Variants in ABLIM1 observed in about 807,000 individuals in gnomAD.
ABLIM1 encodes the protein actin binding LIM protein 1, also known as actin-binding LIM protein 1.
In ABLIM1, 40 loss-of-function variants were observed where a neutral mutation model predicts 107.0. The observed-to-expected ratio is 0.37, with a 90% CI of 0.29 to 0.49. The LOEUF (loss-of-function observed/expected upper bound fraction) is 0.49, where lower values mean the gene tolerates loss of function less well. Ranked by LOEUF, ABLIM1 falls within the 20% of genes least tolerant of loss-of-function variation. The probability of loss-of-function intolerance (pLI) is 0.97; values close to 1 mark genes in which losing one functional copy is unlikely to be tolerated. For missense variants in ABLIM1, 857 were observed against 1,008.5 expected, an observed-to-expected ratio of 0.85 and a Z score of 2.04; for synonymous variants, 357 against 357.3, an observed-to-expected ratio of 1.00 and a Z score of 0.01.
intron 6 of ABLIM1, among the ~76,000 whole-genome samples, chr10:114,516,954 T>A (rs1331440992): frequency 6.6e-6 from 1 of 152,204 alleles, no homozygotes; most frequent in African/African-American, 2.4e-5. Context: ...TTCTGGGACC[T>A]GCGATTAACT....
chr10:114,514,928 A>G (rs1002646228), intron 6 of ABLIM1, among the ~76,000 whole-genome samples: 1 of 152,202 alleles, frequency 6.6e-6, no homozygotes, highest in African/African-American at 2.4e-5. Flanking sequence ...AGATTAAATT[A>G]TTAGTATAGT....
At chr10:114,687,600 A>G (rs766611606), upstream of ABLIM1, among the ~76,000 whole-genome samples, 2 of 152,204 alleles carry the variant, frequency 1.3e-5, no homozygotes, top group Non-Finnish European at 2.9e-5. Context: ...ACAACAGATT[A>G]TGTTAAAAGA....
In ABLIM1 at chr10:114,629,769, C is replaced by T. The variant is rs1031560333; in HGVS notation, c.245-27808G>A. On this transcript the variant is annotated intron_variant, in intron 1 of 22. Coordinates refer to ENST00000533213, the MANE Select transcript of ABLIM1 (RefSeq NM_002313.7). This position sits in a 1 kb window ranked among gnomAD's most constrained non-coding sequence, Gnocchi z 4.0. ...TGCCTGGACTAAACGATCCCCAGTG[C>T]CCTTCTCACTTTAAGGGCTATGAAG... 1.3e-5 allele frequency among the ~76,000 whole-genome samples: 2 copies of T among 152,154 alleles called. No individual in the cohort carries two copies. The highest frequency in any genetic ancestry group is 2.9e-5 in the Non-Finnish European group (2 of 68,042).
At position 114,433,606 on chromosome 10, in the gene ABLIM1, A is replaced by T. The variant is rs547662836; in HGVS notation, c.*2654T>A. On this transcript the variant is annotated 3_prime_UTR_variant, in exon 23 of 23. Transcript: ENST00000533213. ...TTTTTCTTCTCAAGTTGGATGCAGA[A>T]CTGAGTTTAAAAGATACAAGGAAAG... The T allele has an allele frequency of 6.6e-6, 1 of 152,346 alleles. No individual in the cohort carries two copies. The highest frequency in any genetic ancestry group is 2.4e-5 in the African/African-American group (1 of 41,576). The allele number at this position is 152,346 out of a possible 1,614,324, so 9.4% of individuals were successfully genotyped here.
At chr10:114,489,377 T>C (rs1219950840) in intron 7 of ABLIM1, among the ~76,000 whole-genome samples, 2 of 152,288 alleles carry the variant, frequency 1.3e-5, no homozygotes, top group Non-Finnish European at 2.9e-5. Flanking sequence ...CAAATTAAAA[T>C]AACTCATGAG....
At chr10:114,633,683 A>G (rs1432402251) in intron 1 of ABLIM1, among the ~76,000 whole-genome samples, 1 of 152,178 alleles carries the variant, frequency 6.6e-6, no homozygotes. Context: ...CTCGACTTCC[A>G]GTCCAGAGGG....
At chr10:114,787,438 A>C in the ABLIM1 span, among the ~76,000 whole-genome samples, 41 of 115,028 alleles carry the variant, frequency 3.6e-4, no homozygotes, top group African/African-American at 1.3e-3. Flanking sequence ...CAGCCGCCCC[A>C]TCCGGGAGGT....
At chr10:114,656,588 T>C (rs983595690) in intron 1 of ABLIM1, among the ~76,000 whole-genome samples, 3 of 151,770 alleles carry the variant, frequency 2.0e-5, no homozygotes, top group Admixed American at 6.6e-5. Context: ...ACATTACCCA[T>C]CTGACACGAA....
chr10:114,583,297 A>G (rs1415123856), intron 2 of ABLIM1, among the ~76,000 whole-genome samples: 2 of 146,000 alleles, frequency 1.4e-5, no homozygotes. Flanking sequence ...CAAAACCACA[A>G]CAAGATACCA....
intron 1 of ABLIM1, among the ~76,000 whole-genome samples, chr10:114,704,260 ATC>A (rs1346726796): frequency 2.0e-5 from 1 of 50,046 alleles, no homozygotes; most frequent in African/African-American, 6.8e-5. Context: ...CTGACACTCT[ATC>A]TCTCTCTCGC....
upstream of ABLIM1, among the ~76,000 whole-genome samples, chr10:114,660,272 T>C (rs1432403425): frequency 1.3e-5 from 2 of 152,186 alleles, no homozygotes; most frequent in African/African-American, 2.4e-5. Flanking sequence ...CCTTCAGATA[T>C]ACAATGTAAG....
At chr10:114,597,032 C>T (rs185530557) in intron 2 of ABLIM1, among the ~76,000 whole-genome samples, 71 of 152,280 alleles carry the variant, frequency 4.7e-4, no homozygotes, top group Non-Finnish European at 5.9e-5. Flanking sequence ...TGCACTCAGC[C>T]AGGTCTTGAC....
At chr10:114,559,637 G>C (rs1354090608) in intron 4 of ABLIM1, among the ~76,000 whole-genome samples, 1 of 152,126 alleles carries the variant, frequency 6.6e-6, no homozygotes, top group Non-Finnish European at 1.5e-5. Flanking sequence ...TGTGGGCTTA[G>C]AGCAGTTCTC....
chr10:114,481,108 C>T (rs780740107), intron 8 of ABLIM1, among the ~76,000 whole-genome samples: 6 of 152,090 alleles, frequency 3.9e-5, no homozygotes, highest in Admixed American at 6.6e-5. Context: ...CATCCTCTTC[C>T]GTTTCCATTA....
chr10:114,727,390 T>A (rs2081982634), intron 1 of ABLIM1, among the ~76,000 whole-genome samples: 1 of 152,230 alleles, frequency 6.6e-6, no homozygotes, highest in Non-Finnish European at 1.5e-5. Context: ...TATTTCTCAG[T>A]CATCCAAGAA....
chr10:114,768,088 G>A (rs766469781), upstream of ABLIM1: 84 of 429,500 alleles, frequency 2.0e-4, no homozygotes, highest in Non-Finnish European at 3.3e-4. Flanking sequence ...CAGGCAGCGG[G>A]AGCCGGAGCT....
chr10:114,470,105 C>T (rs2066160585), intron 10 of ABLIM1, among the ~76,000 whole-genome samples: 1 of 152,142 alleles, frequency 6.6e-6, no homozygotes, highest in African/African-American at 2.4e-5. Context: ...ACTAATCTGA[C>T]TCTTGCAGTG....
chr10:114,610,475 G>C (rs556792445), intron 1 of ABLIM1, among the ~76,000 whole-genome samples: 2 of 152,256 alleles, frequency 1.3e-5, no homozygotes, highest in East Asian at 3.9e-4. Flanking sequence ...TACCCCATTG[G>C]TTCCTACTGA....
chr10:114,571,616 G>T (rs754801629), intron 3 of ABLIM1, among the ~76,000 whole-genome samples: 2 of 152,112 alleles, frequency 1.3e-5, no homozygotes, highest in Non-Finnish European at 2.9e-5. Flanking sequence ...GGAATGTACT[G>T]GTTCTAAGGG....
Sources: allele counts gnomAD v4.1 joint callset (sites outside exome capture counted in the v4.1 genomes callset), GRCh38; gene constraint gnomAD v4.1.1; non-coding constraint Gnocchi (gnomAD v3.1); transcripts MANE v1.5; gene names NCBI Gene and HGNC (gene_info 2026-07-23, HGNC 2026-07-21).